COLEC12: variants seen among roughly 807,000 people sequenced by gnomAD.
COLEC12 encodes collectin subfamily member 12.
In COLEC12, 33 loss-of-function variants were observed where a neutral mutation model predicts 71.1. The observed-to-expected ratio is 0.46, with a 90% CI of 0.35 to 0.62. COLEC12 has a LOEUF of 0.62. Among genes scored for constraint, COLEC12 ranks in the 20% least tolerant of loss-of-function variants. The pLI is 0.00. For missense variants in COLEC12, 765 were observed against 916.1 expected, an observed-to-expected ratio of 0.84 and a Z score of 2.13; for synonymous variants, 350 against 353.0, an observed-to-expected ratio of 0.99 and a Z score of 0.10.
At chr18:495,070 A>G (rs2143796290) in intron 1 of COLEC12, among the ~76,000 whole-genome samples, 1 of 152,338 alleles carries the variant, frequency 6.6e-6, no homozygotes, top group South Asian at 2.1e-4. Context: ...GGGATTACTA[A>G]TTTATGTTTA....
chr18:320,136 G>A, intron 9 of COLEC12, 72 bp from the exon 10 acceptor site: 2 of 861,096 alleles, frequency 2.3e-6, no homozygotes, highest in South Asian at 1.5e-5. Flanking sequence ...TCAAAAAAAG[G>A]GAACGTGTAT....
At chr18:467,099 T>C (rs1423480718) in intron 2 of COLEC12, among the ~76,000 whole-genome samples, 1 of 152,194 alleles carries the variant, frequency 6.6e-6, no homozygotes, top group African/African-American at 2.4e-5. Flanking sequence ...CTAATACACT[T>C]TCTATTCCTT....
At chr18:385,532 T>C (rs561749844) in intron 2 of COLEC12, among the ~76,000 whole-genome samples, 2 of 151,930 alleles carry the variant, frequency 1.3e-5, no homozygotes, top group South Asian at 2.1e-4. Context: ...ACCATGTTGG[T>C]TAGGCTGGTC....
At chr18:402,222 T>C (rs928648116) in intron 2 of COLEC12, among the ~76,000 whole-genome samples, 1 of 151,948 alleles carries the variant, frequency 6.6e-6, no homozygotes. Flanking sequence ...TTTTCTGGGG[T>C]TTATATACCC....
intron 1 of COLEC12, among the ~76,000 whole-genome samples, chr18:486,097 C>A (rs918166958): frequency 6.6e-6 from 1 of 152,216 alleles, no homozygotes; most frequent in African/African-American, 2.4e-5. Flanking sequence ...TGCATACTCA[C>A]CATGTTTGCA....
Position 341,979 on chromosome 18 carries a change from A to T in COLEC12, c.1327+4316T>A, listed in dbSNP as rs115619238. Reference sequence around the variant, plus strand: ...AGGTGGAGTGATCTTTGTACCTAGAAGCATGTGTGAGAAGTCTTCTGTGTA... The same window carrying T: ...AGGTGGAGTGATCTTTGTACCTAGATGCATGTGTGAGAAGTCTTCTGTGTA... On this transcript the variant is annotated intron_variant, in intron 5 of 9. Transcript: ENST00000400256. Among the ~76,000 whole-genome samples the T allele has an allele frequency of 8.1e-3, 1,231 of 152,368 alleles. 15 individuals carry two copies. The highest frequency in any genetic ancestry group is 0.028 in the African/African-American group (1,180 of 41,590).
chr18:379,019 G>A (rs1236154504), intron 2 of COLEC12, among the ~76,000 whole-genome samples: 1 of 152,160 alleles, frequency 6.6e-6, no homozygotes, highest in Non-Finnish European at 1.5e-5. Context: ...GGTGGTTTCT[G>A]GCAACCATGC....
At chr18:497,381 GGGGTGTGTGTGTGT>G (rs1236061680) in intron 1 of COLEC12, among the ~76,000 whole-genome samples, 10 of 112,210 alleles carry the variant, frequency 8.9e-5, no homozygotes, top group African/African-American at 3.2e-4. Flanking sequence ...GCTAAAGAAT[GGGGTGTGTGTGTGT>G]GTGTGTGTGT....
chr18:365,128 G>C (rs1914827353), intron 2 of COLEC12, among the ~76,000 whole-genome samples: 1 of 152,150 alleles, frequency 6.6e-6, no homozygotes, highest in Non-Finnish European at 1.5e-5. Context: ...TGATAGATAA[G>C]CCTTTCTCAG....
intron 2 of COLEC12, among the ~76,000 whole-genome samples, chr18:364,115 T>C (rs570789835): frequency 3.3e-5 from 5 of 152,224 alleles, no homozygotes; most frequent in Admixed American, 1.3e-4. Context: ...TATAGTTTGT[T>C]TTCATTGAAA....
intron 2 of COLEC12, among the ~76,000 whole-genome samples, chr18:443,176 A>G (rs552383601): frequency 2.0e-4 from 31 of 152,280 alleles, no homozygotes; most frequent in East Asian, 3.9e-4. Flanking sequence ...TTCTCTTTCC[A>G]ATTGCTTTGT....
intron 1 of COLEC12, among the ~76,000 whole-genome samples, chr18:498,985 G>A (rs547022099): frequency 6.6e-6 from 1 of 152,202 alleles, no homozygotes; most frequent in African/African-American, 2.4e-5. Context: ...GATGGAGTGG[G>A]TAGGTGGTTA....
At position 442,002 on chromosome 18, in the gene COLEC12, T is replaced by TACACACACACACAC. The variant is rs56024245; in HGVS notation, c.58+38691_58+38704dup. 3.2e-3 allele frequency among the ~76,000 whole-genome samples: 390 copies of TACACACACACACAC among 120,784 alleles called. 5 individuals carry two copies. Among genetic ancestry groups the TACACACACACACAC allele is most frequent in the African/African-American group, 7.9e-3 (203 of 25,716 alleles). The allele number at this position is 120,784 out of a possible 152,430, so 79.2% of individuals were successfully genotyped here. A position where few individuals can be genotyped will look rare whatever the true frequency, so the allele number is the denominator to read the frequency against. ...GTGACAGAGTGAGACTCTCTCTCTC[T>TACACACACACACAC]ACACACACACACACACACACACACA... is the stretch of plus-strand genomic sequence containing the variant. On this transcript the variant is annotated intron_variant, in intron 2 of 9. Coordinates refer to ENST00000400256, the MANE Select transcript of COLEC12 (RefSeq NM_130386.3).
intron 2 of COLEC12, among the ~76,000 whole-genome samples, chr18:391,625 T>C (rs2143590529): frequency 6.6e-6 from 1 of 152,314 alleles, no homozygotes; most frequent in South Asian, 2.1e-4. Context: ...TAGTGCACTG[T>C]GGCAGCAGAG....
At chr18:356,231 C>T (rs1468340282) in intron 3 of COLEC12, among the ~76,000 whole-genome samples, 1 of 152,134 alleles carries the variant, frequency 6.6e-6, no homozygotes, top group Non-Finnish European at 1.5e-5. Flanking sequence ...CTTTGCTCAT[C>T]CCAAACACCT....
At chr18:462,243 T>C (rs1916997230) in intron 2 of COLEC12, among the ~76,000 whole-genome samples, 1 of 152,182 alleles carries the variant, frequency 6.6e-6, no homozygotes, top group South Asian at 2.1e-4. Context: ...CACAGCAGCA[T>C]TATTTATAAT....
chr18:346,235 G>A lies in COLEC12; in HGVS notation c.1327+60C>T. 1.6e-6 allele frequency: 2 copies of A among 1,273,530 alleles called. No homozygotes were observed. Among genetic ancestry groups the A allele is most frequent in the Non-Finnish European group, 2.2e-6 (2 of 916,014 alleles). 78.9% of individuals were successfully genotyped at this position (1,273,530 alleles called of 1,614,324 possible). Reference sequence around the variant, plus strand: ...TTGTTTTAAATTGCCAAGTTTTAGAGTAACTTGTTATGCAGCAATAAACAA... The same window carrying A: ...TTGTTTTAAATTGCCAAGTTTTAGAATAACTTGTTATGCAGCAATAAACAA... On this transcript the variant is annotated intron_variant, in intron 5 of 9. Transcript: ENST00000400256. This position sits in a 1 kb window ranked among gnomAD's most constrained non-coding sequence, Gnocchi z 4.0.
At chr18:449,905 T>C (rs1326378125) in intron 2 of COLEC12, among the ~76,000 whole-genome samples, 2 of 152,360 alleles carry the variant, frequency 1.3e-5, no homozygotes, top group East Asian at 3.9e-4. Flanking sequence ...GTGTTGGACC[T>C]GTGTCATCAT....
At chr18:440,458 C>T (rs1359966962) in intron 2 of COLEC12, among the ~76,000 whole-genome samples, 2 of 152,058 alleles carry the variant, frequency 1.3e-5, no homozygotes, top group African/African-American at 4.8e-5. Context: ...AACCATTTCA[C>T]ATTGTATACA....
Sources: gnomAD v4.1 joint callset for allele counts (sites outside exome capture counted in the v4.1 genomes callset) on GRCh38, gnomAD v4.1.1 for gene constraint, Gnocchi (gnomAD v3.1) non-coding constraint, MANE v1.5 for transcripts, NCBI Gene and HGNC (gene_info 2026-07-23, HGNC 2026-07-21) for gene names.